NFIX: variants seen among roughly 807,000 people sequenced by gnomAD.
NFIX encodes the protein nuclear factor I X, also known as nuclear factor 1 X-type.
NFIX carries 2 observed loss-of-function variants against 53.3 expected under a neutral mutation model. The observed-to-expected ratio is 0.04, with a 90% CI of 0.02 to 0.12. The LOEUF (loss-of-function observed/expected upper bound fraction) is 0.12, where lower values mean the gene tolerates loss of function less well. NFIX is among the 10% of genes least tolerant of loss of function. The pLI is 1.00. For synonymous variants in NFIX, 244 were observed against 289.0 expected, an observed-to-expected ratio of 0.84 and a Z score of 1.58; for missense variants, 310 against 674.5, an observed-to-expected ratio of 0.46 and a Z score of 5.99.
rs2018012092 is a variant in NFIX at position 13,089,588 on chromosome 19, G to C, written c.1403-711G>C. Among the ~76,000 whole-genome samples, 1 of 152,228 alleles carries C rather than the reference G, an allele frequency of 6.6e-6. No homozygotes were observed. Among genetic ancestry groups the C allele is most frequent in the African/African-American group, 2.4e-5 (1 of 41,466 alleles). ...GAGGAGGAGAATGCCATAGGCCTGA[G>C]CCTTGCCACCCCCTGGGCCCAAGCC... On this transcript the variant is annotated intron_variant, in intron 9 of 10. Transcript: ENST00000592199. The surrounding 1 kb of genome is among the most constrained non-coding windows in gnomAD (Gnocchi z 4.8).
At chr19:13,075,479 A>T (rs1309701152) in intron 5 of NFIX, 56 bp from the exon 6 acceptor site, 3 of 1,591,790 alleles carry the variant, frequency 1.9e-6, no homozygotes, top group Non-Finnish European at 2.6e-6. Flanking sequence ...ACTCTTGGTC[A>T]CTCCCTGGAG....
intron 2 of NFIX, among the ~76,000 whole-genome samples, chr19:13,029,518 G>A (rs766984244): frequency 1.3e-5 from 2 of 152,022 alleles, no homozygotes; most frequent in African/African-American, 2.4e-5. Flanking sequence ...CCTTAGTCTT[G>A]GTTTCTTTTC....
In NFIX at chr19:13,045,702, G is replaced by T. The variant is rs150658109; in HGVS notation, c.559+20150G>T. 1.6e-4 allele frequency among the ~76,000 whole-genome samples: 24 copies of T among 152,292 alleles called. No individual in the cohort carries two copies. The highest frequency in any genetic ancestry group is 4.3e-4 in the African/African-American group (18 of 41,554). Reference sequence around the variant, plus strand: ...AACTGCACTGTGTTGACCCCATGGCGGGCATCAGGGGACCACAGGCTGTGG... The same window carrying T: ...AACTGCACTGTGTTGACCCCATGGCTGGCATCAGGGGACCACAGGCTGTGG... On this transcript the variant is annotated intron_variant, in intron 2 of 10. Coordinates refer to ENST00000592199, the MANE Select transcript of NFIX (RefSeq NM_001365902.3). The surrounding 1 kb of genome is among the most constrained non-coding windows in gnomAD (Gnocchi z 4.4).
intron 10 of NFIX, among the ~76,000 whole-genome samples, chr19:13,092,298 G>A (rs1027809245): frequency 2.0e-5 from 3 of 152,240 alleles, no homozygotes; most frequent in Admixed American, 1.3e-4. Flanking sequence ...ACCTGGCTCA[G>A]GAAGTAGGGA....
chr19:13,016,334 C>T (rs908007069), intron 1 of NFIX, among the ~76,000 whole-genome samples: 10 of 152,128 alleles, frequency 6.6e-5, no homozygotes, highest in Non-Finnish European at 5.9e-5. Context: ...ATGTGGTCCA[C>T]GAGGCATCCT....
At position 12,998,598 on chromosome 19, in the gene NFIX, AC is replaced by A. The variant is rs751613207; in HGVS notation, c.27+2739del. ...AGAGGGGTGGGGGGTGGATGGATGG[AC>A]CCCCATCCCCATCCCAACCCTGCCA... is the stretch of plus-strand genomic sequence containing the variant. On this transcript the variant is annotated intron_variant, in intron 1 of 10. Coordinates refer to ENST00000592199, the MANE Select transcript of NFIX (RefSeq NM_001365902.3). The surrounding 1 kb of genome is among the most constrained non-coding windows in gnomAD (Gnocchi z 4.4). Among the ~76,000 whole-genome samples the A allele has an allele frequency of 2.6e-5, 4 of 151,292 alleles. No homozygotes were observed. The highest frequency in any genetic ancestry group is 4.4e-5 in the Non-Finnish European group (3 of 67,782).
chr19:13,084,363 G>GA (rs1342867694), intron 8 of NFIX, among the ~76,000 whole-genome samples: 29 of 152,164 alleles, frequency 1.9e-4, no homozygotes, highest in Admixed American at 1.7e-3. Flanking sequence ...AGAATCGCTT[G>GA]AACCCGGGAG....
chr19:13,000,434 CA>C (rs1386771649), intron 1 of NFIX, among the ~76,000 whole-genome samples: 1 of 151,522 alleles, frequency 6.6e-6, no homozygotes, highest in African/African-American at 2.4e-5. Flanking sequence ...GAGGAGGAGG[CA>C]AGAGGAGAGT....
intron 1 of NFIX, among the ~76,000 whole-genome samples, chr19:13,008,116 T>C (rs1469274623): frequency 6.6e-6 from 1 of 152,178 alleles, no homozygotes; most frequent in Non-Finnish European, 1.5e-5. Context: ...CCTCAGCCCA[T>C]GGAGTCCTGG....
At chr19:13,055,974 T>C (rs1460015818) in intron 2 of NFIX, among the ~76,000 whole-genome samples, 3 of 152,188 alleles carry the variant, frequency 2.0e-5, no homozygotes. Flanking sequence ...TGTGGTTCCC[T>C]GTGCGTGTGA....
rs1031495188 is a variant in NFIX at position 13,011,261 on chromosome 19, T to A, written c.28-13760T>A. Among the ~76,000 whole-genome samples the A allele has an allele frequency of 6.6e-6, 1 of 152,154 alleles. No individual in the cohort carries two copies. Among genetic ancestry groups the A allele is most frequent in the African/African-American group, 2.4e-5 (1 of 41,438 alleles). ...GAAACACAATCGCGGGGGTGGGTGC[T>A]GGCGGCGAGACGTTGCTTTTTGGTG... On this transcript the variant is annotated intron_variant, in intron 1 of 10. Transcript: ENST00000592199. This position sits in a 1 kb window ranked among gnomAD's most constrained non-coding sequence, Gnocchi z 6.5.
chr19:13,008,260 A>G (rs1285804467), intron 1 of NFIX, among the ~76,000 whole-genome samples: 1 of 152,168 alleles, frequency 6.6e-6, no homozygotes, highest in Non-Finnish European at 1.5e-5. Context: ...TTCCCCATCC[A>G]CAGAGGGACA....
chr19:13,041,936 C>T (rs559952893), intron 2 of NFIX, among the ~76,000 whole-genome samples: 8 of 152,062 alleles, frequency 5.3e-5, no homozygotes, highest in Middle Eastern at 3.4e-3. Context: ...CTCGCTCTGT[C>T]GCCCAGGCTG....
chr19:13,074,823 A>C (rs1393171578), intron 5 of NFIX, among the ~76,000 whole-genome samples: 1 of 151,478 alleles, frequency 6.6e-6, no homozygotes, highest in Non-Finnish European at 1.5e-5. Flanking sequence ...TAATCCCAGC[A>C]CTTTGGGAGG....
At position 13,037,347 on chromosome 19, in the gene NFIX, G is replaced by A. The variant is rs1026352612; in HGVS notation, c.559+11795G>A. 5.9e-5 allele frequency among the ~76,000 whole-genome samples: 9 copies of A among 152,184 alleles called. No individual in the cohort carries two copies. Among genetic ancestry groups the A allele is most frequent in the Non-Finnish European group, 8.8e-5 (6 of 68,030 alleles). On this transcript the variant is annotated intron_variant, in intron 2 of 10. Transcript: ENST00000592199. This position sits in a 1 kb window ranked among gnomAD's most constrained non-coding sequence, Gnocchi z 4.2. ...GGCATGACCACTTCCCCTACCAGAC[G>A]TAGTAGGCCAGTTTCAGCCTTAGTA...
chr19:13,091,100 G>A (rs962046333), intron 10 of NFIX, among the ~76,000 whole-genome samples: 2 of 152,192 alleles, frequency 1.3e-5, no homozygotes, highest in South Asian at 2.1e-4. Context: ...GCCCTTGGGG[G>A]CACAGGGAAG....
At chr19:13,084,247 C>A (rs535254334) in intron 8 of NFIX, among the ~76,000 whole-genome samples, 5 of 152,218 alleles carry the variant, frequency 3.3e-5, no homozygotes, top group Admixed American at 6.5e-5. Flanking sequence ...GAGTTCGAGA[C>A]CAGCCTGGGC....
intron 2 of NFIX, among the ~76,000 whole-genome samples, chr19:13,050,994 C>T (rs2015294447): frequency 6.6e-6 from 1 of 152,214 alleles, no homozygotes; most frequent in South Asian, 2.1e-4. Flanking sequence ...GGCCCCAAAG[C>T]AGCCTCCAGG....
rs1356175406 is a variant in NFIX, at chr19:13,005,217, C to T, written c.27+9353C>T. On this transcript the variant is annotated intron_variant, in intron 1 of 10. Coordinates refer to ENST00000592199, the MANE Select transcript of NFIX (RefSeq NM_001365902.3). This position sits in a 1 kb window ranked among gnomAD's most constrained non-coding sequence, Gnocchi z 4.7. The stretch of plus-strand genomic sequence containing the variant: ...CTGACCCCAGAGAAAGAAGAGACAG[C>T]GGTCAGCAGAATGGTAGAAGAAGAT... Among the ~76,000 whole-genome samples, 3 of 152,172 alleles carry T rather than the reference C, an allele frequency of 2.0e-5. No homozygotes were observed. The highest frequency in any genetic ancestry group is 7.2e-5 in the African/African-American group (3 of 41,438).
Sources: allele counts gnomAD v4.1 joint callset (sites outside exome capture counted in the v4.1 genomes callset), GRCh38; gene constraint gnomAD v4.1.1; non-coding constraint Gnocchi (gnomAD v3.1); transcripts MANE v1.5; gene names NCBI Gene and HGNC (gene_info 2026-07-23, HGNC 2026-07-21).